Variants in NEBL observed in about 807,000 individuals in gnomAD.
NEBL encodes the protein nebulette, also known as LIM and SH3 protein 2.
A neutral mutation model predicts 140.2 loss-of-function variants in NEBL; 122 were observed. That is an observed-to-expected ratio of 0.87 (90% CI 0.75 to 1.01). The LOEUF is 1.01. NEBL is among the 50% of genes least tolerant of loss of function. The pLI, the probability that NEBL is intolerant of heterozygous loss-of-function variation, is 0.00. For synonymous variants in NEBL, 436 were observed against 398.9 expected, an observed-to-expected ratio of 1.09 and a Z score of -1.11; for missense variants, 1,365 against 1,231.3, an observed-to-expected ratio of 1.11 and a Z score of -1.62.
intron 2 of NEBL, among the ~76,000 whole-genome samples, chr10:20,895,816 G>A (rs1313326513): frequency 6.6e-6 from 1 of 152,190 alleles, no homozygotes; most frequent in African/African-American, 2.4e-5. Flanking sequence ...GGATGTAAAA[G>A]GAAGTAACAG....
At chr10:21,011,444 C>T (rs1393548970) in intron 3 of NEBL, among the ~76,000 whole-genome samples, 2 of 152,240 alleles carry the variant, frequency 1.3e-5, no homozygotes, top group Non-Finnish European at 2.9e-5. Context: ...CATTCAACAA[C>T]TGAAACAGTC....
At chr10:20,933,504 C>T (rs765323683) in intron 4 of NEBL, among the ~76,000 whole-genome samples, 16 of 152,082 alleles carry the variant, frequency 1.1e-4, no homozygotes, top group African/African-American at 3.1e-4. Flanking sequence ...GAGGACAAGG[C>T]GGGTGGATAA....
chr10:21,036,977 G>C (rs574939389), intron 2 of NEBL, among the ~76,000 whole-genome samples: 1 of 152,168 alleles, frequency 6.6e-6, no homozygotes, highest in East Asian at 1.9e-4. Context: ...AACTCCAGAG[G>C]TTCTCCACCG....
intron 2 of NEBL, among the ~76,000 whole-genome samples, chr10:21,149,219 G>A (rs1840040273): frequency 3.3e-5 from 5 of 152,196 alleles, no homozygotes; most frequent in Non-Finnish European, 4.4e-5. Flanking sequence ...GGTGCAGCAG[G>A]GGAGGGCAGG....
chr10:20,877,671 C>G (rs904901708), intron 5 of NEBL, among the ~76,000 whole-genome samples: 3 of 152,152 alleles, frequency 2.0e-5, no homozygotes, highest in African/African-American at 7.2e-5. Context: ...CAGTAGGGAG[C>G]AGACAACATG....
chr10:20,990,422 T>C (rs1444845079), intron 3 of NEBL, among the ~76,000 whole-genome samples: 3 of 152,160 alleles, frequency 2.0e-5, no homozygotes, highest in Non-Finnish European at 1.5e-5. Flanking sequence ...TTAGTGTCCT[T>C]ATAAAACCAC....
At chr10:21,086,155 C>A (rs1419485442) in intron 2 of NEBL, among the ~76,000 whole-genome samples, 1 of 152,154 alleles carries the variant, frequency 6.6e-6, no homozygotes, top group African/African-American at 2.4e-5. Context: ...TTCACAATTT[C>A]CATAGGAATT....
At chr10:21,025,993 C>T (rs1300081090) in intron 2 of NEBL, among the ~76,000 whole-genome samples, 3 of 152,130 alleles carry the variant, frequency 2.0e-5, no homozygotes, top group East Asian at 1.9e-4. Flanking sequence ...GTAATTTAAC[C>T]TCTGTGTCTC....
chr10:21,114,013 T>G (rs1838166375), intron 2 of NEBL, among the ~76,000 whole-genome samples: 1 of 152,104 alleles, frequency 6.6e-6, no homozygotes, highest in African/African-American at 2.4e-5. Context: ...TCATTGGTTT[T>G]AGAACCTTCT....
rs190651530 is a variant in NEBL at position 21,229,412 on chromosome 10, C to T, written n.348+18509G>A. 2.0e-5 allele frequency among the ~76,000 whole-genome samples: 3 copies of T among 151,994 alleles called. No individual in the cohort carries two copies. In the East Asian group the frequency reaches 5.8e-4, roughly 29 times the overall value. On this transcript the variant is annotated intron_variant and non_coding_transcript_variant, in intron 3 of 8. Transcript: ENST00000675702. ...CTCCAACCTGGGTAACAGAGGGGGACCCTGTCTCAGAAAAAAGTGGGGGAG... is the reference window on the plus strand; with the variant it reads ...CTCCAACCTGGGTAACAGAGGGGGATCCTGTCTCAGAAAAAAGTGGGGGAG...
At chr10:21,058,247 A>G (rs1835118380) in intron 2 of NEBL, among the ~76,000 whole-genome samples, 1 of 152,246 alleles carries the variant, frequency 6.6e-6, no homozygotes, top group Admixed American at 6.5e-5. Flanking sequence ...TTCTGCCTGC[A>G]GTCCTGAGAG....
chr10:21,041,633 C>T (rs928758595), intron 2 of NEBL, among the ~76,000 whole-genome samples: 1 of 151,962 alleles, frequency 6.6e-6, no homozygotes, highest in Non-Finnish European at 1.5e-5. Context: ...TATGGCATTC[C>T]CTCTACTCTT....
intron 3 of NEBL, among the ~76,000 whole-genome samples, chr10:20,963,003 A>AACACAC (rs35031266): frequency 0.01 from 1,494 of 143,284 alleles, 21 homozygotes; most frequent in African/African-American, 0.029. Context: ...TTGAAAGAAA[A>AACACAC]ACACACACAC....
chr10:21,287,823 T>C (rs1843078833), intron 1 of NEBL, among the ~76,000 whole-genome samples: 1 of 151,588 alleles, frequency 6.6e-6, no homozygotes. Flanking sequence ...ATAGAAGAGA[T>C]GGAAAAAGGG....
chr10:21,105,494 T>C (rs1025257724), intron 2 of NEBL, among the ~76,000 whole-genome samples: 3 of 152,204 alleles, frequency 2.0e-5, no homozygotes, highest in African/African-American at 7.2e-5. Context: ...GCTTCATCCA[T>C]GTCCCTGCAA....
intron 2 of NEBL, among the ~76,000 whole-genome samples, chr10:21,092,348 T>C (rs1038017885): frequency 6.6e-6 from 1 of 152,188 alleles, no homozygotes; most frequent in Non-Finnish European, 1.5e-5. Context: ...CTTCTAAATA[T>C]AGAAGGCAGT....
chr10:20,860,454 C>G (rs1476266526), intron 7 of NEBL, among the ~76,000 whole-genome samples: 1 of 142,688 alleles, frequency 7.0e-6, no homozygotes, highest in Non-Finnish European at 1.5e-5. Context: ...TTAAAACAAC[C>G]AAAAAGGGAT....
At chr10:21,242,882 A>G (rs889052216) in intron 3 of NEBL, among the ~76,000 whole-genome samples, 2 of 151,974 alleles carry the variant, frequency 1.3e-5, no homozygotes, top group Non-Finnish European at 2.9e-5. Context: ...TCAACAAGCA[A>G]TGTTTGGGGG....
At position 20,972,676 on chromosome 10, in the gene NEBL, G is replaced by A. The variant is rs758906225; in HGVS notation, c.250-10897C>T. On this transcript the variant is annotated intron_variant, in intron 3 of 6. Transcript: ENST00000417816. The stretch of plus-strand genomic sequence containing the variant: ...GCAGGAGAATTGCTTGAACCCGGGA[G>A]GCAGAGGCTGCAGTGAGCCAAGATC... Among the ~76,000 whole-genome samples the A allele has an allele frequency of 1.4e-4, 21 of 152,030 alleles. 1 individual carries two copies. Among genetic ancestry groups the A allele is most frequent in the Non-Finnish European group, 2.6e-4 (18 of 68,028 alleles).
Sources: allele counts gnomAD v4.1 joint callset (sites outside exome capture counted in the v4.1 genomes callset), GRCh38; gene constraint gnomAD v4.1.1; transcripts MANE v1.5; gene names NCBI Gene and HGNC (gene_info 2026-07-23, HGNC 2026-07-21).